RBPJ: variants seen among roughly 807,000 people sequenced by gnomAD.
RBPJ encodes recombination signal binding protein for immunoglobulin kappa J region.
A neutral mutation model predicts 67.8 loss-of-function variants in RBPJ; 9 were observed. The ratio of observed to expected loss-of-function variants is 0.13; its 90% confidence interval spans 0.08 to 0.23. The LOEUF is 0.23. Among genes scored for constraint, RBPJ ranks in the 10% least tolerant of loss-of-function variants. The pLI, the probability that RBPJ is intolerant of heterozygous loss-of-function variation, is 1.00. For missense variants in RBPJ, 305 were observed against 595.6 expected (o/e 0.51, Z 5.08); for synonymous variants, 198 against 203.3 (o/e 0.97, Z 0.22).
intron 1 of RBPJ, chr4:26,272,508 C>T (rs1720947798): frequency 3.1e-6 from 1 of 323,566 alleles, no homozygotes; most frequent in African/African-American, 2.2e-5. Flanking sequence ...AAGTTCAAGG[C>T]TGCAATGAGC....
Position 26,358,080 on chromosome 4 carries a change from A to C in RBPJ, c.21-28273A>C, listed in dbSNP as rs546094021. ...TTAATGATCAGAGAGTGAATTGCCTAGTTAATAAAGAATGAATATAATAAA... is the reference window on the plus strand; with the variant it reads ...TTAATGATCAGAGAGTGAATTGCCTCGTTAATAAAGAATGAATATAATAAA... On this transcript the variant is annotated intron_variant, in intron 1 of 10. Coordinates refer to ENST00000355476, the MANE Select transcript of RBPJ (RefSeq NM_015874.6). Among the ~76,000 whole-genome samples the C allele has an allele frequency of 2.0e-5, 3 of 150,754 alleles. 1 individual carries two copies. In the South Asian group the frequency reaches 6.3e-4, roughly 32 times the overall value.
intron 1 of RBPJ, among the ~76,000 whole-genome samples, chr4:26,351,923 CAG>C (rs940068041): frequency 6.6e-6 from 1 of 152,104 alleles, no homozygotes; most frequent in Non-Finnish European, 1.5e-5. Context: ...TATTAAGAAA[CAG>C]TGTGTGCTAA....
At chr4:26,251,061 T>A (rs546768166) in intron 1 of RBPJ, among the ~76,000 whole-genome samples, 8 of 152,236 alleles carry the variant, frequency 5.3e-5, no homozygotes, top group Admixed American at 3.9e-4. Context: ...TGTGCTTTCA[T>A]TTTTGAGATA....
At chr4:26,250,559 C>G (rs187580111) in intron 1 of RBPJ, among the ~76,000 whole-genome samples, 1 of 152,242 alleles carries the variant, frequency 6.6e-6, no homozygotes, top group Admixed American at 6.5e-5. Flanking sequence ...TGTCAAACTC[C>G]TGACCTCAGG....
intron 1 of RBPJ, among the ~76,000 whole-genome samples, chr4:26,236,381 T>C (rs1719452959): frequency 1.3e-5 from 2 of 152,200 alleles, no homozygotes; most frequent in South Asian, 2.1e-4. Flanking sequence ...ATCCCTATAG[T>C]TCAGGAATTC....
At chr4:26,359,156 ATT>A (rs1727734864) in intron 1 of RBPJ, among the ~76,000 whole-genome samples, 1 of 152,062 alleles carries the variant, frequency 6.6e-6, no homozygotes, top group Admixed American at 6.5e-5. Flanking sequence ...GAACGTACAT[ATT>A]TATATTTATT....
At chr4:26,410,882 C>G (rs1733943277) in intron 3 of RBPJ, among the ~76,000 whole-genome samples, 1 of 152,168 alleles carries the variant, frequency 6.6e-6, no homozygotes, top group African/African-American at 2.4e-5. Context: ...TAAATGTGTG[C>G]ATATCGCCAC....
intron 1 of RBPJ, among the ~76,000 whole-genome samples, chr4:26,252,841 A>G (rs915579629): frequency 2.0e-5 from 3 of 152,190 alleles, no homozygotes; most frequent in African/African-American, 7.2e-5. Context: ...CTCTACTCCA[A>G]TGTCAGAGAA....
At chr4:26,114,497 A>ATATATATATATGTGTGTG in the RBPJ span, among the ~76,000 whole-genome samples, 1 of 140,038 alleles carries the variant, frequency 7.1e-6, no homozygotes, top group African/African-American at 2.8e-5. Flanking sequence ...ATATATATAT[A>ATATATATATATGTGTGTG]TGTATGTGTG....
chr4:26,183,354 C>G (rs773488332), intron 1 of RBPJ, among the ~76,000 whole-genome samples: 1 of 152,144 alleles, frequency 6.6e-6, no homozygotes, highest in African/African-American at 2.4e-5. Context: ...GGCACATGAC[C>G]GTACTCAATT....
intron 1 of RBPJ, among the ~76,000 whole-genome samples, chr4:26,364,771 G>A (rs1003527208): frequency 7.3e-4 from 110 of 151,704 alleles, no homozygotes; most frequent in African/African-American, 2.6e-3. Flanking sequence ...GATTACAGGC[G>A]CGAGCCACCA....
intron 1 of RBPJ, among the ~76,000 whole-genome samples, chr4:26,251,008 G>A (rs1560229508): frequency 1.3e-5 from 2 of 152,158 alleles, no homozygotes; most frequent in Admixed American, 6.5e-5. Context: ...TAGGGTAGAC[G>A]TAGTGTTGTG....
At chr4:26,158,187 A>G in the RBPJ span, among the ~76,000 whole-genome samples, 2 of 152,148 alleles carry the variant, frequency 1.3e-5, no homozygotes, top group African/African-American at 4.8e-5. Flanking sequence ...GGCTCCCAGC[A>G]GCCCTGCTAC....
chr4:26,349,159 G>A (rs994374597), intron 1 of RBPJ, among the ~76,000 whole-genome samples: 4 of 151,754 alleles, frequency 2.6e-5, no homozygotes, highest in African/African-American at 9.7e-5. Context: ...CCTTGACCCC[G>A]GGGGCTCAAG....
the RBPJ span, among the ~76,000 whole-genome samples, chr4:26,155,143 G>T: frequency 6.6e-6 from 1 of 152,210 alleles, no homozygotes; most frequent in African/African-American, 2.4e-5. Flanking sequence ...CTTTTGGAAA[G>T]GAGGGGTGAA....
upstream of RBPJ, among the ~76,000 whole-genome samples, chr4:26,315,988 C>T (rs1039885712): frequency 1.8e-4 from 27 of 152,024 alleles, no homozygotes; most frequent in Admixed American, 6.6e-4. Context: ...GTTGTTATTC[C>T]GTTCTTTTTC....
At chr4:26,193,769 T>C (rs953198046) in intron 1 of RBPJ, among the ~76,000 whole-genome samples, 2 of 152,116 alleles carry the variant, frequency 1.3e-5, no homozygotes, top group African/African-American at 2.4e-5. Context: ...CCTTTCCTGT[T>C]CTCCAGCTCC....
In RBPJ at chr4:26,430,783, A is replaced by G; in HGVS notation, c.1240A>G (p.Thr414Ala). ...WVRQPVQVPVTLVRNDGIIYS... is the reference protein window; with the variant it reads ...WVRQPVQVPVALVRNDGIIYS... ...CCGGCAACCAGTCCAGGTTCCAGTA[A>G]CTTTGGTCCGAAATGATGGAATCAT... is the stretch of plus-strand genomic sequence containing the variant. The change falls in exon 11 of 11, where the codon ACT becomes GCT. Residue 414 changes from threonine to alanine, a missense_variant. Physicochemically the swap from Thr to Ala is moderately conservative, Grantham distance 58. Around this residue, in one of 7 missense-constraint regions of RBPJ, gnomAD observed 47 missense variants for 128.2 expected, o/e 0.37. Transcript: ENST00000355476. The surrounding 1 kb of genome is among the most constrained non-coding windows in gnomAD (Gnocchi z 4.1). 6.2e-7 allele frequency: 1 copy of G among 1,614,054 alleles called. No individual in the cohort carries two copies. Among genetic ancestry groups the G allele is most frequent in the Non-Finnish European group, 8.5e-7 (1 of 1,180,004 alleles).
chr4:26,176,911 T>A (rs1412745221), intron 1 of RBPJ, among the ~76,000 whole-genome samples: 2 of 152,190 alleles, frequency 1.3e-5, no homozygotes, highest in African/African-American at 4.8e-5. Flanking sequence ...CAGTCAACAT[T>A]CTTTTAGGGG....
Sources: allele counts gnomAD v4.1 joint callset (sites outside exome capture counted in the v4.1 genomes callset), GRCh38; gene constraint gnomAD v4.1.1; regional missense constraint gnomAD v4.1.1; non-coding constraint Gnocchi (gnomAD v3.1); transcripts MANE v1.5; gene names NCBI Gene and HGNC (gene_info 2026-07-23, HGNC 2026-07-21).